The following ASAP3 variants were observed in gnomAD, a reference collection of about 807,000 sequenced individuals.
ASAP3 encodes the protein arf-GAP with SH3 domain, ANK repeat and PH domain-containing protein 3.
In ASAP3, 85 loss-of-function variants were observed where a neutral mutation model predicts 118.2. The observed-to-expected ratio is 0.72, with a 90% CI of 0.60 to 0.86. ASAP3 has a LOEUF of 0.86. Among genes scored for constraint, ASAP3 ranks in the 40% least tolerant of loss-of-function variants. The pLI is 0.00. For missense variants in ASAP3, 1,026 were observed against 1,175.0 expected (o/e 0.87, Z 1.85); for synonymous variants, 432 against 477.4 (o/e 0.90, Z 1.24).
At chr1:23,432,717 T>C (rs1313985894) in intron 22 of ASAP3, among the ~76,000 whole-genome samples, 1 of 152,264 alleles carries the variant, frequency 6.6e-6, no homozygotes, top group African/African-American at 2.4e-5. Flanking sequence ...TGTATTATAA[T>C]GAATTGCATT....
chr1:23,463,670 C>T (rs1163817997), intron 1 of ASAP3, among the ~76,000 whole-genome samples: 1 of 152,130 alleles, frequency 6.6e-6, no homozygotes, highest in Non-Finnish European at 1.5e-5. Context: ...GGCACAATCT[C>T]GGCTCACTGC....
At position 23,436,614 on chromosome 1, in the gene ASAP3, A is replaced by C; in HGVS notation, c.1517T>G (p.Met506Arg). 6.2e-7 allele frequency: 1 copy of C among 1,614,192 alleles called. No individual in the cohort carries two copies. The highest frequency in any genetic ancestry group is 8.5e-7 in the Non-Finnish European group (1 of 1,180,038). The change falls in exon 16 of 25, where the codon ATG becomes AGG. Residue 506 changes from methionine to arginine, a missense_variant. By Grantham distance (91) the Met-to-Arg change is moderately conservative (BLOSUM62 -1). Transcript: ENST00000336689. This position sits in a 1 kb window ranked among gnomAD's most constrained non-coding sequence, Gnocchi z 4.2. ...NMGNTSFNEV[M>R]EAQLPSHGGP... ...GCCGTGTGAGGGTAGCTGGGCCTCC[A>C]TGACCTCATTGAAGCTCGTGTTTCC...
At position 23,452,653 on chromosome 1, in the gene ASAP3, C is replaced by A. The variant is rs751825670; in HGVS notation, c.423+44G>T. Reference sequence around the variant, plus strand: ...CCCCCCAACAGTCTCCTGCCCACCCCTCTTTTACTCTGTCCCACCACCACT... The same window carrying A: ...CCCCCCAACAGTCTCCTGCCCACCCATCTTTTACTCTGTCCCACCACCACT... On this transcript the variant is annotated intron_variant, in intron 4 of 24. Coordinates refer to ENST00000336689, the MANE Select transcript of ASAP3 (RefSeq NM_017707.4). 1.9e-6 allele frequency: 3 copies of A among 1,597,124 alleles called. No individual in the cohort carries two copies. The East Asian group carries it at 6.7e-5, about 36-fold the overall frequency.
Position 23,471,916 on chromosome 1 carries a change from T to C in ASAP3, c.129+12089A>G, listed in dbSNP as rs1250023265. 2.0e-5 allele frequency among the ~76,000 whole-genome samples: 3 copies of C among 152,180 alleles called. No homozygotes were observed. The East Asian group carries it at 5.8e-4, about 29-fold the overall frequency. ...TGCCTGGTGTGTTTGTTTTTCCTAT[T>C]TTTATTGCTTTTTAACACAACCCAG... On this transcript the variant is annotated intron_variant, in intron 1 of 24. Transcript: ENST00000336689.
intron 4 of ASAP3, among the ~76,000 whole-genome samples, chr1:23,451,908 T>C (rs532319915): frequency 1.1e-4 from 16 of 152,274 alleles, no homozygotes; most frequent in Admixed American, 4.6e-4. Context: ...TCCCCCTGCC[T>C]AACTTTAGCC....
chr1:23,456,004 C>T lies in ASAP3; in HGVS notation c.225G>A (p.Gln75=), dbSNP rs1288882653. The stretch of plus-strand genomic sequence containing the variant: ...CTAAGGATTCCACGGCCTCTCGGTA[C>T]TGCTCTTCATTCTCCACATGGCCTG... ...SGLGHVENEE[Q]YREAVESLGN... Residue 75 remains glutamine (Q), a synonymous_variant, in exon 3 of 25, where the codon CAG becomes CAA. Coordinates refer to ENST00000336689, the MANE Select transcript of ASAP3 (RefSeq NM_017707.4). 6.2e-7 allele frequency: 1 copy of T among 1,614,184 alleles called. No individual in the cohort carries two copies. The highest frequency in any genetic ancestry group is 8.5e-7 in the Non-Finnish European group (1 of 1,180,036).
Position 23,436,519 on chromosome 1 carries a change from T to A in ASAP3, c.1571+41A>T, listed in dbSNP as rs1418008922. The A allele has an allele frequency of 1.2e-6, 2 of 1,603,494 alleles. No homozygotes were observed. Among genetic ancestry groups the A allele is most frequent in the African/African-American group, 1.3e-5 (1 of 74,698 alleles). ...GACCCTGGACACTGCGGAGGCAGAA[T>A]CCCCTAGGCAGGGTGCCCCTCTCTC... On this transcript the variant is annotated intron_variant, in intron 16 of 24. Transcript: ENST00000336689. This position sits in a 1 kb window ranked among gnomAD's most constrained non-coding sequence, Gnocchi z 4.2.
intron 1 of ASAP3, among the ~76,000 whole-genome samples, chr1:23,468,021 T>A (rs1194751271): frequency 6.6e-6 from 1 of 151,888 alleles, no homozygotes; most frequent in Non-Finnish European, 1.5e-5. Context: ...TTACAGTTTG[T>A]AAGGGAGTTT....
At chr1:23,468,281 C>T (rs1276533962) in intron 1 of ASAP3, among the ~76,000 whole-genome samples, 1 of 152,202 alleles carries the variant, frequency 6.6e-6, no homozygotes, top group Non-Finnish European at 1.5e-5. Context: ...ATCATGAGCA[C>T]TACTGACGAG....
intron 1 of ASAP3, among the ~76,000 whole-genome samples, chr1:23,477,188 T>C (rs1642158158): frequency 6.6e-6 from 1 of 151,640 alleles, no homozygotes; most frequent in South Asian, 2.1e-4. Flanking sequence ...AGCTAATTTT[T>C]GTATTTTTAG....
intron 1 of ASAP3, among the ~76,000 whole-genome samples, chr1:23,475,038 G>A (rs1267115777): frequency 6.6e-6 from 1 of 152,236 alleles, no homozygotes; most frequent in African/African-American, 2.4e-5. Context: ...TTGTGTGCCA[G>A]TCTGGCATCT....
chr1:23,439,687 T>C (rs1414085986), intron 10 of ASAP3, among the ~76,000 whole-genome samples: 2 of 152,120 alleles, frequency 1.3e-5, no homozygotes, highest in Non-Finnish European at 2.9e-5. Context: ...CCGTAACACT[T>C]CTCCTGTAAC....
intron 1 of ASAP3, among the ~76,000 whole-genome samples, chr1:23,472,819 CTA>C (rs1022676948): frequency 2.0e-5 from 3 of 152,168 alleles, no homozygotes; most frequent in African/African-American, 7.2e-5. Context: ...GCTAGATTTT[CTA>C]TGTGTTATCC....
chr1:23,441,637 G>A lies in ASAP3; in HGVS notation c.747+18C>T, dbSNP rs550380286. On this transcript the variant is annotated intron_variant, in intron 8 of 24. Transcript: ENST00000336689. ...ACAGGGGGCTTGATCACGTGCCCAAGGGTGAGACCCAACTTACTGCATGTA... is the reference window on the plus strand; with the variant it reads ...ACAGGGGGCTTGATCACGTGCCCAAAGGTGAGACCCAACTTACTGCATGTA... 1 of 1,613,942 alleles carries A rather than the reference G, an allele frequency of 6.2e-7. No individual in the cohort carries two copies. The highest frequency in any genetic ancestry group is 8.5e-7 in the Non-Finnish European group (1 of 1,179,840).
chr1:23,442,045 G>A (rs1640890171), intron 7 of ASAP3, 141 bp downstream of exon 7: 1 of 877,510 alleles, frequency 1.1e-6, no homozygotes, highest in South Asian at 1.5e-5. Flanking sequence ...GACACCCGGT[G>A]AGCACTCAAT....
rs1314516014 is a variant in ASAP3, at chr1:23,441,664, T to G, written c.738A>C (p.Ser246=). 2.5e-6 allele frequency: 4 copies of G among 1,614,052 alleles called. No individual in the cohort carries two copies. Among genetic ancestry groups the G allele is most frequent in the Non-Finnish European group, 3.4e-6 (4 of 1,180,032 alleles). Residue 246 remains serine (S), a synonymous_variant, in exon 8 of 25, where the codon TCA becomes TCC. Coordinates refer to ENST00000336689, the MANE Select transcript of ASAP3 (RefSeq NM_017707.4). The part of the protein sequence containing the change: ...LFPFIEKLAA[S]VHALHQAQED... ...GTGAGACCCAACTTACTGCATGTAC[T>G]GAGGCCGCCAGCTTCTCGATGAAGG...
rs1640858861 is a variant in ASAP3 at position 23,441,165 on chromosome 1, T to C, written c.881A>G (p.Gln294Arg). The C allele has an allele frequency of 6.2e-7, 1 of 1,614,240 alleles. No homozygotes were observed. The highest frequency in any genetic ancestry group is 1.3e-5 in the African/African-American group (1 of 75,070). ...KNSGCGYSIH[Q>R]HQGNKQFGTE... is the part of the protein sequence containing the mutation. The stretch of plus-strand genomic sequence containing the variant: ...CCCAAACTGCTTGTTGCCTTGGTGC[T>C]GGTGGATGCTATAGCCACATCCTGA... The change falls in exon 10 of 25, where the codon CAG (glutamine) becomes CGG (arginine). Residue 294 changes from glutamine (Q) to arginine (R), a missense_variant. Physicochemically the swap from Gln to Arg is conservative, Grantham distance 43. Coordinates refer to ENST00000336689, the MANE Select transcript of ASAP3 (RefSeq NM_017707.4).
At chr1:23,442,653 G>A (rs1467057669) in intron 5 of ASAP3, 41 bp from the exon 6 acceptor site, 1 of 1,598,468 alleles carries the variant, frequency 6.3e-7, no homozygotes, top group East Asian at 2.3e-5. Flanking sequence ...AGTCTCACCA[G>A]CCCCTATATC....
intron 5 of ASAP3, 94 bp from the exon 6 acceptor site, chr1:23,442,706 A>G: frequency 6.6e-7 from 1 of 1,516,436 alleles, no homozygotes; most frequent in South Asian, 1.3e-5. Context: ...CACATGGTGC[A>G]GGAGGCCCTC....
Sources: gnomAD v4.1 joint callset for allele counts (sites outside exome capture counted in the v4.1 genomes callset) on GRCh38, gnomAD v4.1.1 for gene constraint, Gnocchi (gnomAD v3.1) non-coding constraint, MANE v1.5 for transcripts, NCBI Gene and HGNC (gene_info 2026-07-23, HGNC 2026-07-21) for gene names.